CENPC: variants seen among roughly 807,000 people sequenced by gnomAD.
The protein encoded by CENPC is CENP-C 1.
Under a neutral mutation model 112.1 loss-of-function variants are expected in CENPC, and 63 were observed. The ratio of observed to expected loss-of-function variants is 0.56; its 90% CI spans 0.46 to 0.69. CENPC has a LOEUF of 0.69. Ranked by LOEUF, CENPC falls within the 30% of genes least tolerant of loss-of-function variation. The probability of loss-of-function intolerance (pLI) is 0.00; values close to 1 mark genes in which losing one functional copy is unlikely to be tolerated. For synonymous variants in CENPC, 333 were observed against 367.6 expected, an observed-to-expected ratio of 0.91 and a Z score of 1.08; for missense variants, 1,000 against 1,103.8, an observed-to-expected ratio of 0.91 and a Z score of 1.33.
intron 17 of CENPC, among the ~76,000 whole-genome samples, chr4:67,486,100 T>C (rs1387250141): frequency 2.0e-5 from 3 of 152,208 alleles, no homozygotes; most frequent in Non-Finnish European, 4.4e-5. Context: ...AAAAAGTATA[T>C]ATTTCTAGTG....
chr4:67,478,310 C>A (rs2109761188), intron 17 of CENPC, among the ~76,000 whole-genome samples: 1 of 152,128 alleles, frequency 6.6e-6, no homozygotes, highest in South Asian at 2.1e-4. Context: ...AAGCATCAGG[C>A]AACCTATTTA....
chr4:67,504,873 T>C (rs1473560615), intron 12 of CENPC, among the ~76,000 whole-genome samples: 1 of 151,960 alleles, frequency 6.6e-6, no homozygotes, highest in Non-Finnish European at 1.5e-5. Context: ...GAAAATAGTA[T>C]AATGAACCCA....
chr4:67,477,395 C>G (rs189209815), intron 17 of CENPC, among the ~76,000 whole-genome samples: 2 of 152,312 alleles, frequency 1.3e-5, no homozygotes, highest in East Asian at 3.9e-4. Flanking sequence ...GCAGGCACTT[C>G]CCAGTACCAG....
At chr4:67,534,644 G>A (rs1726662589) in intron 4 of CENPC, among the ~76,000 whole-genome samples, 1 of 152,134 alleles carries the variant, frequency 6.6e-6, no homozygotes, top group African/African-American at 2.4e-5. Flanking sequence ...CCGCCAAGCG[G>A]GAAAGATTTC....
chr4:67,523,316 AAC>A (rs879832184), intron 5 of CENPC, among the ~76,000 whole-genome samples: 4 of 152,204 alleles, frequency 2.6e-5, no homozygotes, highest in Non-Finnish European at 5.9e-5. Context: ...CTCTCAAAAA[AAC>A]AAAAAATGAA....
chr4:67,544,863 T>C (rs1456025626), intron 1 of CENPC, among the ~76,000 whole-genome samples: 2 of 152,150 alleles, frequency 1.3e-5, no homozygotes, highest in African/African-American at 4.8e-5. Flanking sequence ...GACGTACTTG[T>C]TACATAATCT....
chr4:67,508,957 G>A lies in CENPC; in HGVS notation c.1761C>T (p.Gly587=). Residue 587 remains glycine, a synonymous_variant, in exon 10 of 19, where the codon GGC becomes GGT. Transcript: ENST00000273853. ...PLKRQKTATK[G]NQRVQKFLNA... ...TTAAAAACTTCTGTACTCTTTGGTT[G>A]CCTTTAGTTGCTGTCTTCTGCCTTT... The A allele has an allele frequency of 6.2e-7, 1 of 1,613,520 alleles. No individual in the cohort carries two copies. Among genetic ancestry groups the A allele is most frequent in the Non-Finnish European group, 8.5e-7 (1 of 1,179,698 alleles).
At chr4:67,512,869 G>A (rs1560433358) in intron 8 of CENPC, among the ~76,000 whole-genome samples, 2 of 151,938 alleles carry the variant, frequency 1.3e-5, no homozygotes, top group Middle Eastern at 3.4e-3. Flanking sequence ...TTCCTATAAC[G>A]TCCTAAGTAA....
chr4:67,527,469 C>A (rs1578002062), intron 5 of CENPC, among the ~76,000 whole-genome samples: 1 of 140,042 alleles, frequency 7.1e-6, no homozygotes, highest in Non-Finnish European at 1.5e-5. Context: ...AGAGCAGGAA[C>A]AACGCTAGAA....
intron 2 of CENPC, among the ~76,000 whole-genome samples, chr4:67,541,284 G>C (rs1726883284): frequency 6.6e-6 from 1 of 151,990 alleles, no homozygotes; most frequent in Non-Finnish European, 1.5e-5. Context: ...ATATTTCTTA[G>C]TTGAACAGCC....
rs138272228 is a variant in CENPC at position 67,472,306 on chromosome 4, C to G, written c.*299G>C. 27 of 189,344 alleles carry G rather than the reference C, an allele frequency of 1.4e-4. No individual in the cohort carries two copies. In the East Asian group the frequency reaches 3.3e-3, roughly 23 times the overall value. 11.7% of individuals were successfully genotyped at this position (189,344 alleles called of 1,614,324 possible). ...GAAAAGATGTTTTTTAATGAGTAGA[C>G]ATATTAATCAGGTCTCTTTTGACAC... On this transcript the variant is annotated 3_prime_UTR_variant, in exon 19 of 19. Coordinates refer to ENST00000273853, the MANE Select transcript of CENPC (RefSeq NM_001812.4).
At chr4:67,491,522 G>C (rs914990156) in intron 16 of CENPC, among the ~76,000 whole-genome samples, 16 of 143,602 alleles carry the variant, frequency 1.1e-4, no homozygotes, top group Admixed American at 2.1e-4. Flanking sequence ...GAGAGAGAGA[G>C]AGAGAGCCTG....
rs199562985 is a variant in CENPC, at chr4:67,474,881, G to A, written c.2761+7C>T. The stretch of plus-strand genomic sequence containing the variant: ...ACATGTTGTCTAAGTGAAATAAATT[G>A]TCTTACCTGAAGGAACATAGAACGA... On this transcript the variant is annotated splice_region_variant and intron_variant, in intron 18 of 18. Coordinates refer to ENST00000273853, the MANE Select transcript of CENPC (RefSeq NM_001812.4). 7.2e-4 allele frequency: 1,089 copies of A among 1,505,716 alleles called. 7 individuals are homozygous for A. In the African/African-American group the frequency reaches 0.01, roughly 14 times the overall value. 93.3% of individuals were successfully genotyped at this position (1,505,716 alleles called of 1,614,324 possible). A position where few individuals can be genotyped will look rare whatever the true frequency, so the allele number is the denominator to read the frequency against.
Position 67,512,481 on chromosome 4 carries a change from T to C in CENPC, c.1533A>G (p.Glu511=). 1 of 1,597,750 alleles carries C rather than the reference T, an allele frequency of 6.3e-7. No homozygotes were observed. The change falls in exon 9 of 19, where the codon GAA becomes GAG. Residue 511 remains glutamate, a synonymous_variant. Transcript: ENST00000273853. ...TTTTCGTGACAGTTGAAGTCACTTC[T>C]TCAGGTACAAGTTTGTTCTTGGACT... ...SSESKNKLVP[E]EVTSTVTKSR...
intron 16 of CENPC, among the ~76,000 whole-genome samples, chr4:67,491,639 G>A (rs1725285762): frequency 6.6e-6 from 1 of 151,450 alleles, no homozygotes; most frequent in Non-Finnish European, 1.5e-5. Flanking sequence ...AATACAGCAG[G>A]AGGCTTCCAG....
At chr4:67,513,269 G>GA (rs397712607) in intron 8 of CENPC, among the ~76,000 whole-genome samples, 1 of 21,334 alleles carries the variant, frequency 4.7e-5, no homozygotes, top group African/African-American at 1.8e-4. Flanking sequence ...CCACAGAACT[G>GA]TAAGATAATC....
intron 5 of CENPC, among the ~76,000 whole-genome samples, chr4:67,520,607 AGCACCAACAGGAAC>A (rs1726197449): frequency 6.6e-6 from 1 of 152,226 alleles, no homozygotes; most frequent in South Asian, 2.1e-4. Flanking sequence ...CACCCCAGAC[AGCACCAACAGGAAC>A]TGAGCTAGAA....
intron 4 of CENPC, among the ~76,000 whole-genome samples, chr4:67,536,674 A>C (rs1726727412): frequency 6.6e-6 from 1 of 152,070 alleles, no homozygotes; most frequent in African/African-American, 2.4e-5. Context: ...CTGAAAAAAA[A>C]ACCCTAACAC....
chr4:67,526,492 A>G (rs778759930), intron 5 of CENPC, among the ~76,000 whole-genome samples: 4 of 152,172 alleles, frequency 2.6e-5, no homozygotes, highest in African/African-American at 7.2e-5. Flanking sequence ...AAATAGTCCT[A>G]TAACTATTAA....
Sources: gnomAD v4.1 joint callset for allele counts (sites outside exome capture counted in the v4.1 genomes callset) on GRCh38, gnomAD v4.1.1 for gene constraint, MANE v1.5 for transcripts, NCBI Gene and HGNC (gene_info 2026-07-23, HGNC 2026-07-21) for gene names.